The following MTR variants were observed in gnomAD, a reference collection of about 807,000 sequenced individuals.
MTR encodes methionine synthase.
A neutral mutation model predicts 154.8 loss-of-function variants in MTR; 84 were observed. That is an observed-to-expected ratio of 0.54 (90% CI 0.45 to 0.65). The LOEUF is 0.65. MTR is among the 30% of genes least tolerant of loss of function. MTR has a pLI of 0.00. For synonymous variants in MTR, 554 were observed against 553.9 expected (o/e 1.00, Z 0.00); for missense variants, 1,275 against 1,570.2 (o/e 0.81, Z 3.18).
chr1:236,894,114 C>T (rs879627684), intron 29 of MTR, among the ~76,000 whole-genome samples: 3 of 152,026 alleles, frequency 2.0e-5, no homozygotes, highest in Admixed American at 6.5e-5. Flanking sequence ...TATGTTACGT[C>T]ATGTCATACA....
chr1:236,861,483 C>G (rs1249072848), intron 20 of MTR, among the ~76,000 whole-genome samples: 2 of 152,062 alleles, frequency 1.3e-5, no homozygotes, highest in African/African-American at 4.8e-5. Flanking sequence ...TCCGAAAATT[C>G]TTAGCATCAT....
At chr1:236,795,283 A>C (rs1257754140), upstream of MTR, 1 of 1,201,040 alleles carries the variant, frequency 8.3e-7, no homozygotes, top group Non-Finnish European at 1.1e-6. Context: ...CCGAGGATAG[A>C]TTGAGCGCAG....
intron 30 of MTR, chr1:236,895,007 G>T (rs778088193): frequency 7.9e-6 from 3 of 380,834 alleles, no homozygotes; most frequent in African/African-American, 2.1e-5. Flanking sequence ...CCCTTTTCCT[G>T]CAGTGAACAG....
In MTR at chr1:236,803,518, A is replaced by G. The variant is rs1660806135; in HGVS notation, c.125A>G (p.Gln42Arg). ...GATGGAGGGATGGGGACCATGATCC[A>G]GCGGGAGAAGCTAAACGAAGAACAC... is the stretch of plus-strand genomic sequence containing the variant. ...VLDGGMGTMIQREKLNEEHFR... is the reference protein window; with the variant it reads ...VLDGGMGTMIRREKLNEEHFR... Residue 42 changes from glutamine to arginine, a missense_variant, in exon 2 of 33, where the codon CAG becomes CGG. Transcript: ENST00000366577. The G allele has an allele frequency of 3.1e-6, 5 of 1,614,226 alleles. No individual in the cohort carries two copies. Among genetic ancestry groups the G allele is most frequent in the Non-Finnish European group, 2.5e-6 (3 of 1,180,038 alleles).
chr1:236,896,151 G>A (rs764323918), intron 31 of MTR, among the ~76,000 whole-genome samples: 12 of 152,302 alleles, frequency 7.9e-5, no homozygotes, highest in Non-Finnish European at 1.3e-4. Flanking sequence ...CGGCCTCAGC[G>A]TCCTGTGCCC....
At chr1:236,876,190 A>G (rs1242290004) in intron 24 of MTR, among the ~76,000 whole-genome samples, 3 of 152,268 alleles carry the variant, frequency 2.0e-5, no homozygotes, top group Admixed American at 1.3e-4. Context: ...TATACGTGAA[A>G]TTAACCATCA....
rs895088724 is a variant in MTR, at chr1:236,872,653, C to G, written c.2406-1120C>G. 3.3e-5 allele frequency among the ~76,000 whole-genome samples: 5 copies of G among 152,202 alleles called. No homozygotes were observed. The East Asian group carries it at 9.7e-4, about 29-fold the overall frequency. ...GGCCCCTTCTCATTAAAATGAGACC[C>G]ATAGTAGTGCTTTCATGATAGAGTT... is the stretch of plus-strand genomic sequence containing the variant. On this transcript the variant is annotated intron_variant, in intron 22 of 32. Coordinates refer to ENST00000366577, the MANE Select transcript of MTR (RefSeq NM_000254.3).
intron 15 of MTR, among the ~76,000 whole-genome samples, chr1:236,839,482 T>G (rs1663105421): frequency 6.6e-6 from 1 of 152,172 alleles, no homozygotes; most frequent in Non-Finnish European, 1.5e-5. Flanking sequence ...TTAGTTTCCT[T>G]TATCAAATAG....
chr1:236,891,057 T>G, intron 28 of MTR, 76 bp from the exon 29 acceptor site: 1 of 1,511,624 alleles, frequency 6.6e-7, no homozygotes, highest in Non-Finnish European at 9.2e-7. Flanking sequence ...GGAGGGGTAA[T>G]GGCTTTTAAA....
At chr1:236,834,828 A>G (rs1247175831) in intron 13 of MTR, among the ~76,000 whole-genome samples, 1 of 152,164 alleles carries the variant, frequency 6.6e-6, no homozygotes, top group South Asian at 2.1e-4. Flanking sequence ...CACTTATCCT[A>G]CAAAATATTC....
intron 31 of MTR, 108 bp from the exon 32 acceptor site, chr1:236,896,898 C>G: frequency 1.2e-6 from 1 of 828,808 alleles, no homozygotes; most frequent in Non-Finnish European, 2.1e-6. Flanking sequence ...AAGGCATGAG[C>G]TCGCTTTGGT....
At chr1:236,890,928 G>GGGAGCTGCACTTAGCA (rs1241407143) in intron 28 of MTR, among the ~76,000 whole-genome samples, 4 of 152,150 alleles carry the variant, frequency 2.6e-5, no homozygotes, top group African/African-American at 9.7e-5. Context: ...AGCAGACTGT[G>GGGAGCTGCACTTAGCA]GGAGCTGCAC....
chr1:236,796,444 A>AT (rs1660392981), intron 1 of MTR, among the ~76,000 whole-genome samples: 1 of 152,218 alleles, frequency 6.6e-6, no homozygotes, highest in African/African-American at 2.4e-5. Context: ...TTGAGGACAA[A>AT]TACACCCGTA....
intron 8 of MTR, 112 bp from the exon 9 acceptor site, chr1:236,824,007 T>A (rs1414914848): frequency 1.1e-6 from 1 of 893,742 alleles, no homozygotes; most frequent in Non-Finnish European, 1.8e-6. Context: ...GTGCTTTGAA[T>A]GAGGAGATTT....
chr1:236,852,815 C>A, intron 17 of MTR, 133 bp from the exon 18 acceptor site: 1 of 1,177,512 alleles, frequency 8.5e-7, no homozygotes, highest in Non-Finnish European at 1.2e-6. Context: ...TATGCTGTAA[C>A]TACAAAGTTG....
At chr1:236,882,603 G>A (rs1230707608) in intron 25 of MTR, among the ~76,000 whole-genome samples, 2 of 152,242 alleles carry the variant, frequency 1.3e-5, no homozygotes, top group Admixed American at 6.5e-5. Flanking sequence ...ATGTTGGCCA[G>A]GCTGGTCTTG....
chr1:236,820,143 G>A (rs189442380), intron 8 of MTR: 7 of 765,282 alleles, frequency 9.1e-6, no homozygotes, highest in South Asian at 2.7e-5. Flanking sequence ...GAGCTCACTC[G>A]GTGGGTTTGA....
intron 19 of MTR, 42 bp from the exon 20 acceptor site, chr1:236,861,083 C>G: frequency 1.4e-6 from 2 of 1,439,844 alleles, no homozygotes; most frequent in Non-Finnish European, 9.2e-7. Flanking sequence ...TTTTTTTTTT[C>G]TTTCTTTCTT....
rs753453102 is a variant in MTR at position 236,824,100 on chromosome 1, G to C, written c.765-19G>C. 1 of 1,588,134 alleles carries C rather than the reference G, an allele frequency of 6.3e-7. No individual in the cohort carries two copies. Among genetic ancestry groups the C allele is most frequent in the Non-Finnish European group, 8.6e-7 (1 of 1,156,706 alleles). On this transcript the variant is annotated intron_variant, in intron 8 of 32. Transcript: ENST00000366577. ...GAATGAGAGATGATGCTTTTAATAT[G>C]TTTTTTCTGTTTTTCTAGCATTGGA...
Sources: allele counts gnomAD v4.1 joint callset (sites outside exome capture counted in the v4.1 genomes callset), GRCh38; gene constraint gnomAD v4.1.1; transcripts MANE v1.5; gene names NCBI Gene and HGNC (gene_info 2026-07-23, HGNC 2026-07-21).